Variants in PABPC4L observed in about 807,000 individuals in gnomAD.
The protein encoded by PABPC4L is polyadenylate-binding protein 4-like.
For missense variants in PABPC4L, 452 were observed against 451.4 expected, an observed-to-expected ratio of 1.00 and a Z score of -0.01; for synonymous variants, 169 against 164.1, an observed-to-expected ratio of 1.03 and a Z score of -0.23.
chr4:134,067,146 G>A, the PABPC4L span, among the ~76,000 whole-genome samples: 1 of 152,070 alleles, frequency 6.6e-6, no homozygotes, highest in African/African-American at 2.4e-5. Context: ...GTAAAAAGTA[G>A]CCGTGAATTT....
At chr4:134,109,474 A>G in the PABPC4L span, among the ~76,000 whole-genome samples, 6 of 151,996 alleles carry the variant, frequency 3.9e-5, no homozygotes, top group South Asian at 1.2e-3. Flanking sequence ...AATAAGAAGA[A>G]GTGAAATAAA....
the PABPC4L span, among the ~76,000 whole-genome samples, chr4:134,168,585 C>T: frequency 6.6e-6 from 1 of 151,630 alleles, no homozygotes; most frequent in Non-Finnish European, 1.5e-5. Context: ...AAAAAGAAGG[C>T]ATTACAAATG....
rs111476898 is a variant in PABPC4L at position 134,200,794 on chromosome 4, T to C, written c.226A>G (p.Ile76Val). 1.6e-5 allele frequency: 25 copies of C among 1,551,934 alleles called. No individual in the cohort carries two copies. Among genetic ancestry groups the C allele is most frequent in the Non-Finnish European group, 1.8e-5 (21 of 1,147,160 alleles). ...KALDTMNFDI[I>V]KGKSIRLMWS... ...ATGAGACGGATGGATTTGCCTTTTA[T>C]GATGTCAAAGTTCATTGTGTCCAGC... The change falls in exon 2 of 2, where the codon ATA (isoleucine) becomes GTA (valine). Residue 76 changes from isoleucine (I) to valine (V), a missense_variant. Transcript: ENST00000421491.
chr4:134,139,254 T>A, the PABPC4L span, among the ~76,000 whole-genome samples: 1 of 152,078 alleles, frequency 6.6e-6, no homozygotes, highest in South Asian at 2.1e-4. Context: ...CTGAGCTAGA[T>A]AATGATTGGT....
chr4:133,952,200 A>G, the PABPC4L span, among the ~76,000 whole-genome samples: 4 of 152,148 alleles, frequency 2.6e-5, no homozygotes, highest in Non-Finnish European at 5.9e-5. Context: ...ACTTGACCAA[A>G]TAAGTCTGGG....
the PABPC4L span, among the ~76,000 whole-genome samples, chr4:134,054,561 G>C: frequency 2.0e-5 from 3 of 151,568 alleles, no homozygotes; most frequent in African/African-American, 4.8e-5. Context: ...TTCCTGACAA[G>C]CACTAAACTC....
the PABPC4L span, among the ~76,000 whole-genome samples, chr4:134,085,162 T>C: frequency 1.3e-5 from 2 of 152,112 alleles, no homozygotes; most frequent in Non-Finnish European, 2.9e-5. Context: ...GTCCATTCTT[T>C]TAACCTTCAG....
chr4:134,078,651 C>CT, the PABPC4L span, among the ~76,000 whole-genome samples: 591 of 115,862 alleles, frequency 5.1e-3, 7 homozygotes, highest in African/African-American at 0.016. Context: ...AGTTTTGTAG[C>CT]TTTTTTTTTT....
chr4:133,950,968 A>G, the PABPC4L span, among the ~76,000 whole-genome samples: 1 of 152,232 alleles, frequency 6.6e-6, no homozygotes, highest in Non-Finnish European at 1.5e-5. Flanking sequence ...TGGGATTAGT[A>G]TACATAATGC....
chr4:134,029,030 T>C, the PABPC4L span, among the ~76,000 whole-genome samples: 1 of 152,186 alleles, frequency 6.6e-6, no homozygotes, highest in African/African-American at 2.4e-5. Context: ...GGAAGGCTTT[T>C]TATGTAGTAA....
chr4:134,188,436 T>C, the PABPC4L span, among the ~76,000 whole-genome samples: 3 of 152,156 alleles, frequency 2.0e-5, no homozygotes, highest in African/African-American at 4.8e-5. Flanking sequence ...TATTGACTTA[T>C]AACATTTCCC....
chr4:133,976,868 G>T, the PABPC4L span, among the ~76,000 whole-genome samples: 1 of 152,004 alleles, frequency 6.6e-6, no homozygotes, highest in East Asian at 1.9e-4. Flanking sequence ...TTAGACCTTT[G>T]TCAGATGGAT....
At chr4:134,101,913 C>G in the PABPC4L span, among the ~76,000 whole-genome samples, 1 of 151,476 alleles carries the variant, frequency 6.6e-6, no homozygotes, top group African/African-American at 2.4e-5. Flanking sequence ...TCATTCAACC[C>G]ATGCTTTAAC....
chr4:134,125,751 A>G, the PABPC4L span, among the ~76,000 whole-genome samples: 1 of 152,198 alleles, frequency 6.6e-6, no homozygotes, highest in African/African-American at 2.4e-5. Flanking sequence ...GTAAAAAACA[A>G]AGTCTTGGAT....
chr4:134,162,095 G>A, the PABPC4L span, among the ~76,000 whole-genome samples: 6 of 151,872 alleles, frequency 4.0e-5, no homozygotes, highest in Middle Eastern at 0.01. Context: ...AAAATAAAAT[G>A]CAAGGAATTA....
the PABPC4L span, among the ~76,000 whole-genome samples, chr4:134,119,669 C>T: frequency 6.6e-6 from 1 of 151,448 alleles, no homozygotes; most frequent in Non-Finnish European, 1.5e-5. Flanking sequence ...TAGGTGTCAC[C>T]CAAATCAATG....
chr4:134,000,103 C>A, the PABPC4L span, among the ~76,000 whole-genome samples: 44 of 151,990 alleles, frequency 2.9e-4, no homozygotes, highest in African/African-American at 9.4e-4. Flanking sequence ...TATTTTCAGG[C>A]AATCTGAAGA....
At chr4:134,021,017 G>A in the PABPC4L span, among the ~76,000 whole-genome samples, 1 of 152,066 alleles carries the variant, frequency 6.6e-6, no homozygotes, top group East Asian at 1.9e-4. Context: ...GTTCTTCTAA[G>A]TTGAACTAGG....
the PABPC4L span, among the ~76,000 whole-genome samples, chr4:134,068,432 C>T: frequency 1.3e-5 from 2 of 152,122 alleles, no homozygotes; most frequent in South Asian, 2.1e-4. Context: ...GGAAACAGGT[C>T]TCTTGAAGAC....
Sources: gnomAD v4.1 joint callset for allele counts (sites outside exome capture counted in the v4.1 genomes callset) on GRCh38, gnomAD v4.1.1 for gene constraint, MANE v1.5 for transcripts, NCBI Gene and HGNC (gene_info 2026-07-23, HGNC 2026-07-21) for gene names.